Variants in PCDHGA1 observed in about 807,000 individuals in gnomAD.
The protein encoded by PCDHGA1 is protocadherin gamma-A1.
In PCDHGA1, 32 loss-of-function variants were observed where a neutral mutation model predicts 58.0. The observed-to-expected ratio is 0.55, with a 90% CI of 0.42 to 0.74. PCDHGA1 has a LOEUF of 0.74. PCDHGA1 is among the 30% of genes least tolerant of loss of function. PCDHGA1 has a pLI of 0.00. For missense variants in PCDHGA1, 1,205 were observed against 1,182.3 expected, an observed-to-expected ratio of 1.02 and a Z score of -0.28; for synonymous variants, 498 against 501.1, an observed-to-expected ratio of 0.99 and a Z score of 0.08.
intron 1 of PCDHGA1, chr5:141,413,488 C>T (rs2095648022): frequency 3.1e-6 from 5 of 1,613,868 alleles, no homozygotes; most frequent in Non-Finnish European, 3.4e-6. Context: ...TCAGAGCGCG[C>T]GGTGCGTGGT....
intron 1 of PCDHGA1, among the ~76,000 whole-genome samples, chr5:141,456,702 C>A (rs1185842343): frequency 6.6e-6 from 1 of 152,062 alleles, no homozygotes; most frequent in African/African-American, 2.4e-5. Flanking sequence ...TGGTGGCTCG[C>A]GCCTGTAATC....
chr5:141,339,767 GC>G (rs750215738), intron 1 of PCDHGA1: 21 of 1,614,022 alleles, frequency 1.3e-5, no homozygotes, highest in Admixed American at 1.7e-5. Flanking sequence ...CACGGTGACC[GC>G]CACTGACGCA....
In PCDHGA1 at chr5:141,432,872, C is replaced by A. The variant is rs73280906; in HGVS notation, c.2422-61935C>A. The stretch of plus-strand genomic sequence containing the variant: ...GGTGGCCGCGGTCTCCTGCGTCTTC[C>A]TGGCCTTCGTCATCTTGCTGCTGGC... On this transcript the variant is annotated intron_variant, in intron 1 of 3. Transcript: ENST00000517417. The surrounding 1 kb of genome is among the most constrained non-coding windows in gnomAD (Gnocchi z 6.0). 2,361 of 1,614,192 alleles carry A rather than the reference C, an allele frequency of 1.5e-3. 32 individuals carry two copies. In the African/African-American group the frequency reaches 0.028, roughly 19 times the overall value.
intron 1 of PCDHGA1, chr5:141,422,221 A>T (rs1267909650): frequency 1.3e-6 from 2 of 1,565,034 alleles, no homozygotes; most frequent in Admixed American, 4.0e-5. Context: ...CTTTACCACC[A>T]CGACGATGTT....
At chr5:141,500,887 T>C (rs557735403) in intron 2 of PCDHGA1, among the ~76,000 whole-genome samples, 1 of 95,622 alleles carries the variant, frequency 1.0e-5, no homozygotes, top group South Asian at 2.8e-4. Context: ...ATTTTTTTTT[T>C]TTGAGACAGT....
chr5:141,347,542 T>A (rs1350784057), intron 1 of PCDHGA1, among the ~76,000 whole-genome samples: 1 of 151,958 alleles, frequency 6.6e-6, no homozygotes, highest in South Asian at 2.1e-4. Flanking sequence ...ATCCCAGCAC[T>A]TTGGGAGGCT....
At chr5:141,380,731 T>C (rs1776694872) in intron 1 of PCDHGA1, among the ~76,000 whole-genome samples, 1 of 152,266 alleles carries the variant, frequency 6.6e-6, no homozygotes, top group Non-Finnish European at 1.5e-5. Flanking sequence ...TTATTTCCTT[T>C]TCTCCAAAGA....
At chr5:141,428,174 G>A (rs962782246) in intron 1 of PCDHGA1, 3 of 1,515,246 alleles carry the variant, frequency 2.0e-6, no homozygotes, top group Non-Finnish European at 2.7e-6. Context: ...TGTGCGTGAC[G>A]GAGGACAGCC....
rs570982273 is a variant in PCDHGA1, at chr5:141,476,764, G to T, written c.2422-18043G>T. On this transcript the variant is annotated intron_variant, in intron 1 of 3. Coordinates refer to ENST00000517417, the MANE Select transcript of PCDHGA1 (RefSeq NM_018912.3). This position sits in a 1 kb window ranked among gnomAD's most constrained non-coding sequence, Gnocchi z 7.6. ...CTAGTCTCCAGTTAGTGCTGACGGC[G>T]TTGGACGGAGGGACCCCAGCTCTCT... 1.2e-5 allele frequency: 19 copies of T among 1,613,794 alleles called. No individual in the cohort carries two copies. In the East Asian group the frequency reaches 3.8e-4, roughly 32 times the overall value.
chr5:141,371,551 T>A (rs1561551438), intron 1 of PCDHGA1: 1 of 1,613,704 alleles, frequency 6.2e-7, no homozygotes, highest in Non-Finnish European at 8.5e-7. Context: ...CTATGCCAAC[T>A]AAAAGGAAAC....
chr5:141,374,384 C>A, intron 1 of PCDHGA1: 1 of 1,613,962 alleles, frequency 6.2e-7, no homozygotes, highest in East Asian at 2.2e-5. Flanking sequence ...TCAGAGCCCG[C>A]GGTGTCTGGT....
At chr5:141,413,389 T>G in intron 1 of PCDHGA1, 1 of 1,613,986 alleles carries the variant, frequency 6.2e-7, no homozygotes, top group Non-Finnish European at 8.5e-7. Flanking sequence ...CCGCATAGTC[T>G]CCAGAGGTAG....
rs201458472 is a variant in PCDHGA1 at position 141,403,860 on chromosome 5, C to T, written c.2421+70755C>T. 1.5e-5 allele frequency: 25 copies of T among 1,613,382 alleles called. No individual in the cohort carries two copies. In the Admixed American group the frequency reaches 2.7e-4, roughly 17 times the overall value. Reference sequence around the variant, plus strand: ...AATGAAAATACTGGGGAAATATCAACAGCAAAAAGTCTAGATTATGAAGAA... The same window carrying T: ...AATGAAAATACTGGGGAAATATCAATAGCAAAAAGTCTAGATTATGAAGAA... On this transcript the variant is annotated intron_variant, in intron 1 of 3. Coordinates refer to ENST00000517417, the MANE Select transcript of PCDHGA1 (RefSeq NM_018912.3).
intron 1 of PCDHGA1, chr5:141,345,577 A>G: frequency 6.2e-7 from 1 of 1,614,160 alleles, no homozygotes; most frequent in Non-Finnish European, 8.5e-7. Context: ...GGCGTCCTAT[A>G]CGCGCTGAGA....
In PCDHGA1 at chr5:141,512,843, T is replaced by G. The variant is rs2099884463; in HGVS notation, c.*1670T>G. ...CCCTCCCCCGTACTGACTTCTCCTATAAGCGCTTCTCTTCGCATAGTCACG... is the reference window on the plus strand; with the variant it reads ...CCCTCCCCCGTACTGACTTCTCCTAGAAGCGCTTCTCTTCGCATAGTCACG... On this transcript the variant is annotated 3_prime_UTR_variant, in exon 4 of 4. Coordinates refer to ENST00000517417, the MANE Select transcript of PCDHGA1 (RefSeq NM_018912.3). 6.6e-6 allele frequency: 1 copy of G among 152,290 alleles called. No individual in the cohort carries two copies. The highest frequency in any genetic ancestry group is 1.5e-5 in the Non-Finnish European group (1 of 68,088). 9.4% of individuals were successfully genotyped at this position (152,290 alleles called of 1,614,324 possible).
intron 1 of PCDHGA1, chr5:141,362,513 A>G: frequency 6.2e-7 from 1 of 1,613,982 alleles, no homozygotes; most frequent in South Asian, 1.1e-5. Context: ...AATACAAATC[A>G]TGGAGCCGCT....
Position 141,434,451 on chromosome 5 carries a change from A to T in PCDHGA1, c.2422-60356A>T, listed in dbSNP as rs145324240. 3.9e-3 allele frequency among the ~76,000 whole-genome samples: 589 copies of T among 152,326 alleles called. 6 individuals carry two copies. The highest frequency in any genetic ancestry group is 0.011 in the Admixed American group (170 of 15,298). ...GGCCGTAATGCCCATGCTGGAAGGTAGTGGGTTTACCGGAATGAGGGCAAG... is the reference window on the plus strand; with the variant it reads ...GGCCGTAATGCCCATGCTGGAAGGTTGTGGGTTTACCGGAATGAGGGCAAG... On this transcript the variant is annotated intron_variant, in intron 1 of 3. Transcript: ENST00000517417.
At chr5:141,374,731 T>G in intron 1 of PCDHGA1, 1 of 1,610,684 alleles carries the variant, frequency 6.2e-7, no homozygotes, top group Non-Finnish European at 8.5e-7. Flanking sequence ...CTGCCATGGA[T>G]GGCGGCGACC....
intron 1 of PCDHGA1, among the ~76,000 whole-genome samples, chr5:141,347,225 C>T (rs1455859210): frequency 7.0e-6 from 1 of 143,354 alleles, no homozygotes; most frequent in Non-Finnish European, 1.5e-5. Context: ...ATGATCACGG[C>T]TCACTGCAGC....
Sources: allele counts gnomAD v4.1 joint callset (sites outside exome capture counted in the v4.1 genomes callset), GRCh38; gene constraint gnomAD v4.1.1; non-coding constraint Gnocchi (gnomAD v3.1); transcripts MANE v1.5; gene names NCBI Gene and HGNC (gene_info 2026-07-23, HGNC 2026-07-21).